LPP: variants seen among roughly 807,000 people sequenced by gnomAD.
LPP encodes the protein LIM domain containing preferred translocation partner in lipoma, also known as lipoma-preferred partner.
In LPP, 38 loss-of-function variants were observed where a neutral mutation model predicts 60.4. The ratio of observed to expected loss-of-function variants is 0.63; its 90% CI spans 0.49 to 0.83. The LOEUF (loss-of-function observed/expected upper bound fraction) is 0.83, where lower values mean the gene tolerates loss of function less well. Among genes scored for constraint, LPP ranks in the 40% least tolerant of loss-of-function variants. The pLI is 0.00. For missense variants in LPP, 902 were observed against 783.6 expected (o/e 1.15, Z -1.80); for synonymous variants, 328 against 290.8 (o/e 1.13, Z -1.30).
intron 2 of LPP, among the ~76,000 whole-genome samples, chr3:188,252,170 C>CATATATATATATAT (rs10609191): frequency 4.4e-4 from 45 of 101,900 alleles, no homozygotes; most frequent in South Asian, 1.1e-3. Context: ...CTTCCCCAAA[C>CATATATATATATAT]ATATATATAT....
intron 2 of LPP, among the ~76,000 whole-genome samples, chr3:188,236,044 G>T (rs893085602): frequency 3.3e-5 from 5 of 151,840 alleles, no homozygotes; most frequent in African/African-American, 1.2e-4. Context: ...CCTACTATTT[G>T]CTAGACACTA....
intron 6 of LPP, among the ~76,000 whole-genome samples, chr3:188,566,432 C>A (rs1476682611): frequency 2.0e-5 from 3 of 151,884 alleles, no homozygotes; most frequent in Non-Finnish European, 4.4e-5. Flanking sequence ...TTAGTTAGCT[C>A]TCATTACCTC....
At chr3:188,843,985 G>A (rs1340034457) in intron 9 of LPP, among the ~76,000 whole-genome samples, 1 of 152,006 alleles carries the variant, frequency 6.6e-6, no homozygotes, top group African/African-American at 2.4e-5. Context: ...TAAAGAGCTT[G>A]CTACAAGAAA....
chr3:188,396,202 A>G (rs1467679494), intron 3 of LPP, among the ~76,000 whole-genome samples: 2 of 152,230 alleles, frequency 1.3e-5, no homozygotes, highest in African/African-American at 4.8e-5. Flanking sequence ...AACGTTCATC[A>G]ATAGTAGACT....
intron 6 of LPP, among the ~76,000 whole-genome samples, chr3:188,578,613 A>G (rs1051693699): frequency 1.8e-4 from 22 of 120,170 alleles, no homozygotes; most frequent in African/African-American, 5.9e-4. Context: ...AACTTTAGCA[A>G]CTCATTCCCT....
chr3:188,441,666 G>T (rs1250382220), intron 4 of LPP, among the ~76,000 whole-genome samples: 1 of 125,144 alleles, frequency 8.0e-6, no homozygotes, highest in Non-Finnish European at 1.6e-5. Flanking sequence ...TGTCGCCCAG[G>T]CTGGAGTGCA....
At chr3:188,257,723 A>AC (rs1234739106) in intron 2 of LPP, among the ~76,000 whole-genome samples, 10 of 152,328 alleles carry the variant, frequency 6.6e-5, no homozygotes, top group African/African-American at 2.2e-4. Context: ...TTCACTGGGC[A>AC]CCCAGTCTGT....
intron 6 of LPP, among the ~76,000 whole-genome samples, chr3:188,593,965 T>C (rs946852422): frequency 1.3e-5 from 2 of 152,190 alleles, no homozygotes; most frequent in African/African-American, 2.4e-5. Context: ...TACCCAGTAG[T>C]GGGATTGCTG....
At chr3:188,755,675 G>A (rs371035543) in intron 8 of LPP, among the ~76,000 whole-genome samples, 113 of 151,638 alleles carry the variant, frequency 7.5e-4, no homozygotes, top group Non-Finnish European at 1.1e-3. Context: ...GCTTGGTGGC[G>A]TGTGCCTATA....
intron 5 of LPP, among the ~76,000 whole-genome samples, chr3:188,493,605 T>G (rs1387709555): frequency 2.6e-5 from 4 of 151,964 alleles, no homozygotes; most frequent in African/African-American, 9.7e-5. Context: ...ATTTATTTAT[T>G]TATTATTATT....
At chr3:188,646,500 G>A (rs1008156439) in intron 7 of LPP, among the ~76,000 whole-genome samples, 11 of 152,212 alleles carry the variant, frequency 7.2e-5, no homozygotes, top group African/African-American at 2.7e-4. Context: ...TGTAGGCAGA[G>A]TTTTTGTTAT....
At chr3:188,799,510 T>C (rs1746368267) in intron 9 of LPP, among the ~76,000 whole-genome samples, 1 of 152,204 alleles carries the variant, frequency 6.6e-6, no homozygotes, top group Admixed American at 6.5e-5. Flanking sequence ...CTGTTAATTA[T>C]TTTAACAGAG....
intron 9 of LPP, among the ~76,000 whole-genome samples, chr3:188,850,205 A>G (rs13087054): frequency 0.1 from 15,323 of 152,310 alleles, 1,032 homozygotes; most frequent in Middle Eastern, 0.16. Context: ...CTGAGAGGTC[A>G]CTTAGGCAGG....
intron 6 of LPP, among the ~76,000 whole-genome samples, chr3:188,564,884 TTC>T (rs1831740667): frequency 6.6e-6 from 1 of 151,972 alleles, no homozygotes. Flanking sequence ...CTGTTAGTGA[TTC>T]TGTTTAGTCT....
At chr3:188,207,149 G>C (rs980776041) in intron 1 of LPP, among the ~76,000 whole-genome samples, 2 of 150,430 alleles carry the variant, frequency 1.3e-5, no homozygotes, top group Non-Finnish European at 2.9e-5. Flanking sequence ...CTACCTTTCT[G>C]AGTTAACTTC....
At position 188,760,067 on chromosome 3, in the gene LPP, C is replaced by T. The variant is rs1264742181; in HGVS notation, c.1241-46C>T. 10 of 1,593,198 alleles carry T rather than the reference C, an allele frequency of 6.3e-6. No homozygotes were observed. In the South Asian group the frequency reaches 7.8e-5, roughly 12 times the overall value. On this transcript the variant is annotated intron_variant, in intron 8 of 11. Transcript: ENST00000617246. Reference sequence around the variant, plus strand: ...CTCCTCCACTTTGGCTTTAGCAGGACTGAAGTACTCCTTGGTGTGTTCTTA... The same window carrying T: ...CTCCTCCACTTTGGCTTTAGCAGGATTGAAGTACTCCTTGGTGTGTTCTTA...
At chr3:188,478,837 C>G (rs953028857) in intron 4 of LPP, among the ~76,000 whole-genome samples, 1 of 152,044 alleles carries the variant, frequency 6.6e-6, no homozygotes, top group Non-Finnish European at 1.5e-5. Context: ...CTCACTGCAA[C>G]CTCCGCCTCC....
intron 1 of LPP, among the ~76,000 whole-genome samples, chr3:188,221,543 G>C (rs1715783786): frequency 6.6e-6 from 1 of 152,204 alleles, no homozygotes; most frequent in Non-Finnish European, 1.5e-5. Context: ...TTGTGCCAGA[G>C]TGGTTTCCAT....
intron 5 of LPP, among the ~76,000 whole-genome samples, chr3:188,502,179 T>C (rs1812114606): frequency 6.6e-6 from 1 of 152,226 alleles, no homozygotes; most frequent in African/African-American, 2.4e-5. Flanking sequence ...ACCTATTGTT[T>C]GGCTGTTCTA....
Sources: gnomAD v4.1 joint callset for allele counts (sites outside exome capture counted in the v4.1 genomes callset) on GRCh38, gnomAD v4.1.1 for gene constraint, MANE v1.5 for transcripts, NCBI Gene and HGNC (gene_info 2026-07-23, HGNC 2026-07-21) for gene names.